Variants in ABLIM1 observed in about 807,000 individuals in gnomAD.
ABLIM1 encodes actin binding LIM protein 1.
Under a neutral mutation model 107.0 loss-of-function variants are expected in ABLIM1, and 40 were observed. The observed-to-expected ratio is 0.37, with a 90% CI of 0.29 to 0.49. The LOEUF (loss-of-function observed/expected upper bound fraction) is 0.49. Ranked by LOEUF, ABLIM1 falls within the 20% of genes least tolerant of loss-of-function variation. ABLIM1 has a pLI of 0.97. For missense variants in ABLIM1, 857 were observed against 1,008.5 expected (o/e 0.85, Z 2.04); for synonymous variants, 357 against 357.3 (o/e 1.00, Z 0.01).
intron 1 of ABLIM1, among the ~76,000 whole-genome samples, chr10:114,649,243 AC>A (rs2079136577): frequency 6.6e-6 from 1 of 151,898 alleles, no homozygotes; most frequent in Non-Finnish European, 1.5e-5. Context: ...TACTAAAAAT[AC>A]AAAAATATTA....
chr10:114,687,042 C>T (rs943924746), upstream of ABLIM1, among the ~76,000 whole-genome samples: 3 of 152,202 alleles, frequency 2.0e-5, no homozygotes, highest in Non-Finnish European at 2.9e-5. Context: ...TCTTTCCCAA[C>T]CACGCTTCTA....
rs1389376068 is a variant in ABLIM1 at position 114,511,977 on chromosome 10, T to C, written c.895-20099A>G. The stretch of plus-strand genomic sequence containing the variant: ...CAATCTCAGGTGGACAGATGCTCTC[T>C]CAGTGTCTTCCTGGAGCAGAAAGAC... On this transcript the variant is annotated intron_variant, in intron 6 of 22. Transcript: ENST00000533213. 2.0e-5 allele frequency among the ~76,000 whole-genome samples: 3 copies of C among 152,336 alleles called. No homozygotes were observed. In the East Asian group the frequency reaches 5.8e-4, roughly 29 times the overall value.
At chr10:114,516,050 C>T (rs141525178) in intron 6 of ABLIM1, among the ~76,000 whole-genome samples, 276 of 152,182 alleles carry the variant, frequency 1.8e-3, no homozygotes, top group African/African-American at 6.3e-3. Flanking sequence ...CTGTCCCTTG[C>T]GACCAAAGCC....
intron 4 of ABLIM1, among the ~76,000 whole-genome samples, chr10:114,557,436 C>A (rs1210194790): frequency 6.6e-6 from 1 of 152,214 alleles, no homozygotes; most frequent in East Asian, 1.9e-4. Flanking sequence ...GCAGGCAGGG[C>A]AGCAGCCATT....
chr10:114,679,631 G>A (rs558419063), intron 1 of ABLIM1, among the ~76,000 whole-genome samples: 25 of 105,172 alleles, frequency 2.4e-4, no homozygotes, highest in South Asian at 8.8e-4. Context: ...ACAAAACTCC[G>A]TCTCAAAAAA....
At chr10:114,489,970 C>T (rs1441798474) in intron 7 of ABLIM1, among the ~76,000 whole-genome samples, 1 of 152,196 alleles carries the variant, frequency 6.6e-6, no homozygotes, top group South Asian at 2.1e-4. Flanking sequence ...TCTCCAGCCT[C>T]CAGAACCACT....
At chr10:114,704,662 G>A (rs924053977) in intron 1 of ABLIM1, among the ~76,000 whole-genome samples, 3 of 151,500 alleles carry the variant, frequency 2.0e-5, no homozygotes, top group Non-Finnish European at 2.9e-5. Context: ...AAGAGAAAAC[G>A]GGCAGAGAAA....
chr10:114,476,343 T>C (rs973322158), intron 8 of ABLIM1, among the ~76,000 whole-genome samples: 7 of 152,124 alleles, frequency 4.6e-5, no homozygotes, highest in African/African-American at 1.7e-4. Context: ...CACATAACAC[T>C]ATTCAAGAAA....
chr10:114,598,454 G>A (rs1235552513), intron 2 of ABLIM1, among the ~76,000 whole-genome samples: 1 of 151,872 alleles, frequency 6.6e-6, no homozygotes, highest in Non-Finnish European at 1.5e-5. Context: ...TGGGTGTGGA[G>A]GTGCACACCT....
upstream of ABLIM1, among the ~76,000 whole-genome samples, chr10:114,769,483 A>AAG (rs2082994758): frequency 7.1e-6 from 1 of 141,198 alleles, no homozygotes; most frequent in Non-Finnish European, 1.6e-5. Context: ...AAGAAAGAGA[A>AAG]AGAAAGAAAG....
At chr10:114,610,044 A>G (rs1273562923) in intron 1 of ABLIM1, among the ~76,000 whole-genome samples, 1 of 152,254 alleles carries the variant, frequency 6.6e-6, no homozygotes, top group Non-Finnish European at 1.5e-5. Flanking sequence ...AAGGAAATCA[A>G]GCTAGTCTAA....
rs186446657 is a variant in ABLIM1 at position 114,517,000 on chromosome 10, T to G, written c.895-25122A>C. On this transcript the variant is annotated intron_variant, in intron 6 of 22. Coordinates refer to ENST00000533213, the MANE Select transcript of ABLIM1 (RefSeq NM_002313.7). ...GCCATTCCTTGGGACTCCGTTTTTT[T>G]TTGTTGTTGCTTTTTATCCTCAAAG... 3.0e-3 allele frequency among the ~76,000 whole-genome samples: 463 copies of G among 152,314 alleles called. 2 individuals are homozygous for G. Among genetic ancestry groups the G allele is most frequent in the African/African-American group, 0.01 (431 of 41,564 alleles).
At chr10:114,623,422 T>G (rs1457855103) in intron 1 of ABLIM1, among the ~76,000 whole-genome samples, 1 of 152,244 alleles carries the variant, frequency 6.6e-6, no homozygotes, top group African/African-American at 2.4e-5. Flanking sequence ...TGGCTTTGTT[T>G]CATCCTGCTG....
intron 12 of ABLIM1, among the ~76,000 whole-genome samples, chr10:114,464,939 A>G (rs1432991836): frequency 1.3e-5 from 2 of 152,224 alleles, no homozygotes; most frequent in Admixed American, 1.3e-4. Context: ...TTGGATCTGT[A>G]CTGGGATCTC....
chr10:114,506,374 AC>A lies in ABLIM1; in HGVS notation c.895-14497del, dbSNP rs560204762. On this transcript the variant is annotated intron_variant, in intron 6 of 22. Coordinates refer to ENST00000533213, the MANE Select transcript of ABLIM1 (RefSeq NM_002313.7). The stretch of plus-strand genomic sequence containing the variant: ...ATGATTTATTTTTCTTTGGGTATAT[AC>A]CCAGTAGTGGGATTGCTGGGTCAAA... 2.1e-3 allele frequency among the ~76,000 whole-genome samples: 320 copies of A among 152,270 alleles called. 1 individual carries two copies. Among genetic ancestry groups the A allele is most frequent in the Non-Finnish European group, 3.5e-3 (236 of 68,020 alleles).
At chr10:114,798,563 C>CCCG in the ABLIM1 span, among the ~76,000 whole-genome samples, 11 of 125,914 alleles carry the variant, frequency 8.7e-5, no homozygotes, top group Non-Finnish European at 1.3e-4. Context: ...GAGACCCCCC[C>CCCG]CCCATGTCTA....
chr10:114,493,882 C>G (rs149511346), intron 6 of ABLIM1, among the ~76,000 whole-genome samples: 3 of 152,342 alleles, frequency 2.0e-5, no homozygotes, highest in Non-Finnish European at 2.9e-5. Context: ...GGAATTTTCT[C>G]TATAGACCTT....
intron 2 of ABLIM1, among the ~76,000 whole-genome samples, chr10:114,597,742 G>C (rs1255359624): frequency 1.3e-5 from 2 of 152,132 alleles, no homozygotes; most frequent in African/African-American, 2.4e-5. Flanking sequence ...CCTTCAGTAA[G>C]TCTGCTGAAA....
chr10:114,729,452 C>T (rs182435979), intron 1 of ABLIM1, among the ~76,000 whole-genome samples: 7 of 152,184 alleles, frequency 4.6e-5, no homozygotes, highest in Admixed American at 3.3e-4. Flanking sequence ...TATAAAAATA[C>T]CCCAAGGGCC....
Sources: allele counts gnomAD v4.1 joint callset (sites outside exome capture counted in the v4.1 genomes callset), GRCh38; gene constraint gnomAD v4.1.1; transcripts MANE v1.5; gene names NCBI Gene and HGNC (gene_info 2026-07-23, HGNC 2026-07-21).